The following JAK2 variants were observed in gnomAD, a reference collection of about 807,000 sequenced individuals.
The protein encoded by JAK2 is Janus kinase 2, also known as tyrosine-protein kinase JAK2.
JAK2 carries 86 observed loss-of-function variants against 139.3 expected under a neutral mutation model. That is an observed-to-expected ratio of 0.62 (90% CI 0.52 to 0.74). JAK2 has a LOEUF of 0.74. Ranked by LOEUF, JAK2 falls within the 30% of genes least tolerant of loss-of-function variation. JAK2 has a pLI of 0.00. For synonymous variants in JAK2, 490 were observed against 437.7 expected, an observed-to-expected ratio of 1.12 and a Z score of -1.49; for missense variants, 1,421 against 1,360.3, an observed-to-expected ratio of 1.04 and a Z score of -0.70.
In JAK2 at chr9:5,022,144, G is replaced by T. The variant is rs761608925; in HGVS notation, c.157G>T (p.Asp53Tyr). 1.2e-6 allele frequency: 2 copies of T among 1,614,172 alleles called. No homozygotes were observed. The highest frequency in any genetic ancestry group is 3.3e-5 in the Admixed American group (2 of 60,022). Residue 53 changes from aspartate to tyrosine, a missense_variant, in exon 3 of 25, where the codon GAT becomes TAT. Transcript: ENST00000381652. ...LYHSLGKSEA[D>Y]YLTFPSGEYV... ...CCATTCCCTTGGGAAATCTGAGGCA[G>T]ATTATCTGACCTTTCCATCTGGGGA... is the stretch of plus-strand genomic sequence containing the variant.
At chr9:5,081,236 T>C (rs1229700250) in intron 18 of JAK2, among the ~76,000 whole-genome samples, 1 of 148,968 alleles carries the variant, frequency 6.7e-6, no homozygotes, top group Non-Finnish European at 1.5e-5. Context: ...TAGTTTTCCA[T>C]TTAGTGAGTT....
At chr9:5,045,950 G>C (rs1816977141) in intron 5 of JAK2, among the ~76,000 whole-genome samples, 2 of 151,812 alleles carry the variant, frequency 1.3e-5, no homozygotes, top group Non-Finnish European at 2.9e-5. Flanking sequence ...AATTTTTTTT[G>C]AGGAACTGCT....
At position 5,114,763 on chromosome 9, in the gene JAK2, G is replaced by A. The variant is rs572566253; in HGVS notation, c.3060-8241G>A. Reference sequence around the variant, plus strand: ...TCTGTGGTCCATGAGACAGCGACTGGCTCACAGACCGTCAAGTAACTGTTG... The same window carrying A: ...TCTGTGGTCCATGAGACAGCGACTGACTCACAGACCGTCAAGTAACTGTTG... On this transcript the variant is annotated intron_variant, in intron 22 of 24. Transcript: ENST00000381652. 17 of 326,260 alleles carry A rather than the reference G, an allele frequency of 5.2e-5. 1 individual carries two copies. The highest frequency in any genetic ancestry group is 6.0e-6 in the Non-Finnish European group (1 of 166,570). 20.2% of individuals were successfully genotyped at this position (326,260 alleles called of 1,614,324 possible).
intron 19 of JAK2, among the ~76,000 whole-genome samples, chr9:5,087,260 C>A (rs545027950): frequency 1.4e-4 from 21 of 152,304 alleles, no homozygotes; most frequent in African/African-American, 4.8e-4. Flanking sequence ...GGCACCTCTT[C>A]ACAGGGCAGC....
intron 14 of JAK2, among the ~76,000 whole-genome samples, chr9:5,074,670 A>C (rs535356969): frequency 2.0e-5 from 3 of 152,334 alleles, no homozygotes; most frequent in Non-Finnish European, 2.9e-5. Context: ...ACAATATTAA[A>C]ATTAGGCCAT....
chr9:5,105,456 G>T (rs1347650738), intron 22 of JAK2, among the ~76,000 whole-genome samples: 1 of 152,184 alleles, frequency 6.6e-6, no homozygotes, highest in South Asian at 2.1e-4. Context: ...TCATGGATAG[G>T]AAGAATCAAT....
At chr9:5,104,205 G>C (rs1354855067) in intron 22 of JAK2, among the ~76,000 whole-genome samples, 2 of 152,026 alleles carry the variant, frequency 1.3e-5, no homozygotes, top group East Asian at 1.9e-4. Flanking sequence ...GAATCAAATA[G>C]AGGGAATAAA....
intron 14 of JAK2, among the ~76,000 whole-genome samples, chr9:5,076,230 G>A (rs887522801): frequency 6.6e-6 from 1 of 152,204 alleles, no homozygotes; most frequent in Non-Finnish European, 1.5e-5. Context: ...AAACTTGATT[G>A]ATCAAGCAGT....
In JAK2 at chr9:5,054,058, T is replaced by C. The variant is rs568493976; in HGVS notation, c.615-505T>C. On this transcript the variant is annotated intron_variant, in intron 6 of 24. Coordinates refer to ENST00000381652, the MANE Select transcript of JAK2 (RefSeq NM_004972.4). This position sits in a 1 kb window ranked among gnomAD's most constrained non-coding sequence, Gnocchi z 4.9. Reference sequence around the variant, plus strand: ...AATTGTTTTGATCACAAAGGAATTATTAGGAGTTGAAGCTGGCCTAACAAA... The same window carrying C: ...AATTGTTTTGATCACAAAGGAATTACTAGGAGTTGAAGCTGGCCTAACAAA... Among the ~76,000 whole-genome samples, 47 of 152,170 alleles carry C rather than the reference T, an allele frequency of 3.1e-4. No individual in the cohort carries two copies. Among genetic ancestry groups the C allele is most frequent in the African/African-American group, 1.0e-3 (42 of 41,562 alleles).
At chr9:5,083,292 G>A (rs1383455362) in intron 19 of JAK2, among the ~76,000 whole-genome samples, 1 of 152,148 alleles carries the variant, frequency 6.6e-6, no homozygotes. Flanking sequence ...ACACAGTCAT[G>A]TATAACCTAC....
chr9:5,097,550 T>A (rs1390092487), intron 22 of JAK2: 1 of 152,202 alleles, frequency 6.6e-6, no homozygotes, highest in East Asian at 1.9e-4. Context: ...GGAACAGACA[T>A]AGACACAGAC....
At chr9:5,024,788 AG>A (rs1822671510) in intron 3 of JAK2, among the ~76,000 whole-genome samples, 1 of 152,146 alleles carries the variant, frequency 6.6e-6, no homozygotes, top group Non-Finnish European at 1.5e-5. Flanking sequence ...AGTGGAACAT[AG>A]GTGTGCTCTT....
rs1221424207 is a variant in JAK2, at chr9:5,029,820, G to C, written c.264G>C (p.Met88Ile). 1 of 1,611,092 alleles carries C rather than the reference G, an allele frequency of 6.2e-7. No homozygotes were observed. Among genetic ancestry groups the C allele is most frequent in the Admixed American group, 1.7e-5 (1 of 59,888 alleles). The part of the protein sequence containing the change: ...TPVYHNMFAL[M>I]SETERIWYPP... ...TGTATCATAATATGTTTGCTTTAAT[G>C]AGTGAAACAGAAAGGATCTGGTATC... Residue 88 changes from methionine to isoleucine, a missense_variant, in exon 4 of 25, where the codon ATG (methionine) becomes ATC (isoleucine). Coordinates refer to ENST00000381652, the MANE Select transcript of JAK2 (RefSeq NM_004972.4).
chr9:5,076,022 A>G (rs1819285850), intron 14 of JAK2, among the ~76,000 whole-genome samples: 1 of 152,140 alleles, frequency 6.6e-6, no homozygotes, highest in African/African-American at 2.4e-5. Context: ...GTCACTGCAG[A>G]GATGGTGGAA....
In JAK2 at chr9:5,069,208, G is replaced by C; in HGVS notation, c.1513G>C (p.Asp505His). Reference sequence around the variant, plus strand: ...TAAATGCTGTCCCCCAAAGCCAAAAGGTAAGATAATTTTCTAGTTATTTTT... The same window carrying C: ...TAAATGCTGTCCCCCAAAGCCAAAACGTAAGATAATTTTCTAGTTATTTTT... ...FTKCCPPKPKDKSNLLVFRTN... is the reference protein window; with the variant it reads ...FTKCCPPKPKHKSNLLVFRTN... Residue 505 changes from aspartate to histidine, a missense_variant and splice_region_variant, in exon 11 of 25, where the codon GAT becomes CAT. Transcript: ENST00000381652. 6.3e-7 allele frequency: 1 copy of C among 1,592,138 alleles called. No homozygotes were observed. Among genetic ancestry groups the C allele is most frequent in the Non-Finnish European group, 8.6e-7 (1 of 1,169,106 alleles).
intron 4 of JAK2, among the ~76,000 whole-genome samples, chr9:5,036,861 T>G (rs1816074294): frequency 6.6e-6 from 1 of 152,148 alleles, no homozygotes; most frequent in Non-Finnish European, 1.5e-5. Context: ...AATTGACAAA[T>G]GGGATCTCAT....
chr9:5,027,207 C>T (rs933113673), intron 3 of JAK2, among the ~76,000 whole-genome samples: 4 of 152,152 alleles, frequency 2.6e-5, no homozygotes, highest in Non-Finnish European at 5.9e-5. Flanking sequence ...AATACTGACA[C>T]ACCTCGGAGA....
At chr9:5,117,262 A>G (rs528596917) in intron 22 of JAK2, among the ~76,000 whole-genome samples, 2 of 152,366 alleles carry the variant, frequency 1.3e-5, no homozygotes, top group Middle Eastern at 3.4e-3. Context: ...AGCAGCATAC[A>G]TGGACGCCCA....
In JAK2 at chr9:5,023,157, C is replaced by T. The variant is rs116390654; in HGVS notation, c.226+944C>T. 3.0e-3 allele frequency among the ~76,000 whole-genome samples: 457 copies of T among 152,286 alleles called. 1 individual carries two copies. The highest frequency in any genetic ancestry group is 0.011 in the African/African-American group (439 of 41,562). On this transcript the variant is annotated intron_variant, in intron 3 of 24. Coordinates refer to ENST00000381652, the MANE Select transcript of JAK2 (RefSeq NM_004972.4). The stretch of plus-strand genomic sequence containing the variant: ...CATTAACCAACATCTCTTCATTTCC[C>T]TCTTCCCACCCATATAACCTTGCCA...
Sources: allele counts gnomAD v4.1 joint callset (sites outside exome capture counted in the v4.1 genomes callset), GRCh38; gene constraint gnomAD v4.1.1; non-coding constraint Gnocchi (gnomAD v3.1); transcripts MANE v1.5; gene names NCBI Gene and HGNC (gene_info 2026-07-23, HGNC 2026-07-21).